ARHGEF7: variants seen among roughly 807,000 people sequenced by gnomAD.
ARHGEF7 encodes Rho guanine nucleotide exchange factor 7, also known as PAK-interacting exchange factor beta.
Under a neutral mutation model 109.8 loss-of-function variants are expected in ARHGEF7, and 33 were observed. The ratio of observed to expected loss-of-function variants is 0.30; its 90% CI spans 0.23 to 0.40. ARHGEF7 has a LOEUF of 0.40. Among genes scored for constraint, ARHGEF7 ranks in the 10% least tolerant of loss-of-function variants. The pLI is 1.00. For synonymous variants in ARHGEF7, 458 were observed against 424.6 expected, an observed-to-expected ratio of 1.08 and a Z score of -0.97; for missense variants, 938 against 1,098.5, an observed-to-expected ratio of 0.85 and a Z score of 2.07.
intron 2 of ARHGEF7, among the ~76,000 whole-genome samples, chr13:111,189,676 T>C (rs1389477608): frequency 6.6e-6 from 1 of 152,192 alleles, no homozygotes; most frequent in African/African-American, 2.4e-5. Flanking sequence ...TATTCCCTTA[T>C]TTGGCCTCGG....
At chr13:111,129,023 A>G (rs930300899) in intron 1 of ARHGEF7, among the ~76,000 whole-genome samples, 4 of 152,214 alleles carry the variant, frequency 2.6e-5, no homozygotes, top group Admixed American at 6.5e-5. Flanking sequence ...AGAGAAATAG[A>G]TCAACAGAAC....
At chr13:111,232,714 C>T (rs976659591) in intron 5 of ARHGEF7, among the ~76,000 whole-genome samples, 6 of 152,126 alleles carry the variant, frequency 3.9e-5, no homozygotes, top group Non-Finnish European at 8.8e-5. Context: ...TTTTCTTTCT[C>T]CTCCTTGTCT....
intron 1 of ARHGEF7, among the ~76,000 whole-genome samples, chr13:111,136,337 G>A (rs1184485594): frequency 1.3e-5 from 2 of 151,596 alleles, no homozygotes; most frequent in African/African-American, 4.8e-5. Flanking sequence ...TGACCACATA[G>A]TTGGAAGTAA....
At chr13:111,248,804 C>T (rs1397115908) in intron 8 of ARHGEF7, among the ~76,000 whole-genome samples, 1 of 152,176 alleles carries the variant, frequency 6.6e-6, no homozygotes. Flanking sequence ...TTTAAGGTCC[C>T]ATCTGCTGAT....
intron 2 of ARHGEF7, among the ~76,000 whole-genome samples, chr13:111,179,394 G>T (rs930754645): frequency 3.9e-5 from 6 of 152,060 alleles, no homozygotes; most frequent in African/African-American, 1.2e-4. Context: ...TCAAACGCCT[G>T]TTTCTGTTTT....
chr13:111,223,181 A>C (rs1361918222), intron 5 of ARHGEF7, among the ~76,000 whole-genome samples: 1 of 152,160 alleles, frequency 6.6e-6, no homozygotes, highest in Non-Finnish European at 1.5e-5. Context: ...GTGGGCGGCT[A>C]TATTGCATTT....
At chr13:111,231,537 G>T (rs1224157218) in intron 5 of ARHGEF7, among the ~76,000 whole-genome samples, 1 of 149,602 alleles carries the variant, frequency 6.7e-6, no homozygotes, top group Non-Finnish European at 1.5e-5. Flanking sequence ...CACAGGAGGA[G>T]GATCCAAAGT....
chr13:111,172,982 G>T (rs886436113), intron 2 of ARHGEF7, among the ~76,000 whole-genome samples: 2 of 152,092 alleles, frequency 1.3e-5, no homozygotes, highest in African/African-American at 4.8e-5. Flanking sequence ...TTCAGATGAG[G>T]GATGCTCAAC....
chr13:111,232,755 G>A (rs2086270550), intron 5 of ARHGEF7, among the ~76,000 whole-genome samples: 1 of 152,112 alleles, frequency 6.6e-6, no homozygotes, highest in South Asian at 2.1e-4. Context: ...CAAGCCCTGA[G>A]CCAGATCTTG....
chr13:111,216,366 G>A (rs530162011), intron 4 of ARHGEF7, among the ~76,000 whole-genome samples: 7 of 152,286 alleles, frequency 4.6e-5, no homozygotes, highest in Non-Finnish European at 8.8e-5. Flanking sequence ...GTGGCTGGGT[G>A]GAGGGCAGGG....
chr13:111,130,460 C>A (rs1268890067), intron 1 of ARHGEF7, among the ~76,000 whole-genome samples: 1 of 152,198 alleles, frequency 6.6e-6, no homozygotes, highest in East Asian at 1.9e-4. Context: ...TGAACCTAAT[C>A]GTGAATTTAG....
At chr13:111,292,506 C>G (rs887195123) in intron 19 of ARHGEF7, 2 of 1,426,566 alleles carry the variant, frequency 1.4e-6, no homozygotes, top group African/African-American at 1.4e-5. Flanking sequence ...AGTATACATT[C>G]GAATGACTGA....
chr13:111,186,474 G>A (rs2079268188), intron 2 of ARHGEF7, among the ~76,000 whole-genome samples: 1 of 152,188 alleles, frequency 6.6e-6, no homozygotes, highest in African/African-American at 2.4e-5. Flanking sequence ...GGGTGTAGGA[G>A]TGGGTGGGAT....
chr13:111,279,584 A>G (rs1392932293), intron 13 of ARHGEF7, among the ~76,000 whole-genome samples: 1 of 152,116 alleles, frequency 6.6e-6, no homozygotes, highest in Non-Finnish European at 1.5e-5. Flanking sequence ...GTGGGCCACC[A>G]TGTACTGTGG....
chr13:111,263,335 G>A (rs1399684563), intron 8 of ARHGEF7, among the ~76,000 whole-genome samples: 4 of 152,196 alleles, frequency 2.6e-5, no homozygotes, highest in Admixed American at 6.5e-5. Flanking sequence ...GGCTCAGTGC[G>A]GTGAATTAAA....
chr13:111,170,238 C>T (rs2077475620), intron 2 of ARHGEF7, among the ~76,000 whole-genome samples: 1 of 121,040 alleles, frequency 8.3e-6, no homozygotes, highest in Admixed American at 9.3e-5. Flanking sequence ...GCTGAGATTA[C>T]AGGCATGTAC....
chr13:111,248,437 G>A lies in ARHGEF7; in HGVS notation c.950+4143G>A, dbSNP rs117431624. On this transcript the variant is annotated intron_variant, in intron 8 of 21. Transcript: ENST00000646102. ...CTTTTACCAAATGTGGGGAATTTGC[G>A]GGCATTATTTCTTCAAATATTTTGC... Among the ~76,000 whole-genome samples the A allele has an allele frequency of 4.6e-3, 704 of 152,156 alleles. 5 individuals carry two copies. Among genetic ancestry groups the A allele is most frequent in the Middle Eastern group, 0.01 (3 of 294 alleles).
At chr13:111,166,094 C>T (rs1238982302) in intron 2 of ARHGEF7, among the ~76,000 whole-genome samples, 1 of 152,194 alleles carries the variant, frequency 6.6e-6, no homozygotes, top group Non-Finnish European at 1.5e-5. Context: ...TGCCCACCAC[C>T]ATTAGCCCAG....
chr13:111,241,157 C>A, intron 6 of ARHGEF7: 1 of 1,534,764 alleles, frequency 6.5e-7, no homozygotes, highest in Admixed American at 2.0e-5. Context: ...TGGCTGAGCT[C>A]AGCTCTGTGG....
Sources: gnomAD v4.1 joint callset for allele counts (sites outside exome capture counted in the v4.1 genomes callset) on GRCh38, gnomAD v4.1.1 for gene constraint, MANE v1.5 for transcripts, NCBI Gene and HGNC (gene_info 2026-07-23, HGNC 2026-07-21) for gene names.